The following PLAC8L1 variants were observed in gnomAD, a reference collection of about 807,000 sequenced individuals.
The protein encoded by PLAC8L1 is PLAC8 like 1, also known as PLAC8-like protein 1.
A neutral mutation model predicts 16.3 loss-of-function variants in PLAC8L1; 13 were observed. The observed-to-expected ratio is 0.80, with a 90% CI of 0.52 to 1.27. The LOEUF (loss-of-function observed/expected upper bound fraction) is 1.27, where lower values mean the gene tolerates loss of function less well. PLAC8L1 is among the 50% of genes most tolerant of loss of function. The pLI, the probability that PLAC8L1 is intolerant of heterozygous loss-of-function variation, is 0.00. For missense variants in PLAC8L1, 184 were observed against 220.2 expected, an observed-to-expected ratio of 0.84 and a Z score of 1.04; for synonymous variants, 78 against 79.3, an observed-to-expected ratio of 0.98 and a Z score of 0.09.
rs1451185579 is a variant in PLAC8L1 at position 146,085,454 on chromosome 5, C to A, written c.393+7G>T. The A allele has an allele frequency of 6.2e-7, 1 of 1,613,722 alleles. No individual in the cohort carries two copies. The highest frequency in any genetic ancestry group is 1.7e-5 in the Admixed American group (1 of 59,980). ...TCGGGTTCACGTATACCTTCAAACACACTTACCTGTATTTTATGTCTCTCC... is the reference window on the plus strand; with the variant it reads ...TCGGGTTCACGTATACCTTCAAACAAACTTACCTGTATTTTATGTCTCTCC... On this transcript the variant is annotated splice_region_variant and intron_variant, in intron 3 of 3. Transcript: ENST00000311450.
chr5:146,093,428 A>T (rs1251472478), intron 2 of PLAC8L1, among the ~76,000 whole-genome samples: 2 of 152,184 alleles, frequency 1.3e-5, no homozygotes, highest in African/African-American at 4.8e-5. Flanking sequence ...TCCTCCCTGG[A>T]AGTGCTCAGA....
At chr5:146,092,312 A>T (rs751263866) in intron 2 of PLAC8L1, among the ~76,000 whole-genome samples, 1 of 152,202 alleles carries the variant, frequency 6.6e-6, no homozygotes, top group Admixed American at 6.5e-5. Flanking sequence ...CCATTTGGCA[A>T]CATCTATCAA....
At position 146,103,854 on chromosome 5, in the gene PLAC8L1, A is replaced by G. The variant is rs890268305; in HGVS notation, c.119+339T>C. ...GCCTTGTACCTAGGCCTCCTTGATT[A>G]TTTCAAACTCAGCTGAAGCCAAAAC... On this transcript the variant is annotated intron_variant, in intron 1 of 3. Coordinates refer to ENST00000311450, the MANE Select transcript of PLAC8L1 (RefSeq NM_001029869.3). 1.5e-5 allele frequency: 15 copies of G among 985,276 alleles called. No individual in the cohort carries two copies. The African/African-American group carries it at 2.6e-4, about 17-fold the overall frequency. The allele number at this position is 985,276 out of a possible 1,614,324, so 61.0% of individuals were successfully genotyped here.
chr5:146,101,481 T>C (rs1763816152), intron 1 of PLAC8L1, among the ~76,000 whole-genome samples: 1 of 152,182 alleles, frequency 6.6e-6, no homozygotes, highest in African/African-American at 2.4e-5. Flanking sequence ...AAAACTACTT[T>C]TATGTCTTAT....
intron 1 of PLAC8L1, chr5:146,103,557 T>C (rs1763858268): frequency 1.4e-6 from 1 of 714,918 alleles, no homozygotes; most frequent in Non-Finnish European, 1.7e-6. Flanking sequence ...GAAGTTTTAG[T>C]GCTAAAACCA....
chr5:146,097,045 C>T lies in PLAC8L1; in HGVS notation c.256+1111G>A, dbSNP rs143440896. Among the ~76,000 whole-genome samples, 343 of 152,212 alleles carry T rather than the reference C, an allele frequency of 2.3e-3. 2 individuals are homozygous for T. Among genetic ancestry groups the T allele is most frequent in the African/African-American group, 7.6e-3 (317 of 41,536 alleles). ...GATATATCCTTCAAAAATATTTTACCCAGGGTCTGTTGGATTTGGAACTTA... is the reference window on the plus strand; with the variant it reads ...GATATATCCTTCAAAAATATTTTACTCAGGGTCTGTTGGATTTGGAACTTA... On this transcript the variant is annotated intron_variant, in intron 2 of 3. Transcript: ENST00000311450.
At position 146,094,051 on chromosome 5, in the gene PLAC8L1, T is replaced by C. The variant is rs1763668120; in HGVS notation, c.256+4105A>G. ...TTATCACAACTGCAATTATTTTGTTTATAGATTTTTGTTGTTGTTGTTGTT... is the reference window on the plus strand; with the variant it reads ...TTATCACAACTGCAATTATTTTGTTCATAGATTTTTGTTGTTGTTGTTGTT... On this transcript the variant is annotated intron_variant, in intron 2 of 3. Coordinates refer to ENST00000311450, the MANE Select transcript of PLAC8L1 (RefSeq NM_001029869.3). Among the ~76,000 whole-genome samples, 4 of 152,310 alleles carry C rather than the reference T, an allele frequency of 2.6e-5. No homozygotes were observed. In the South Asian group the frequency reaches 6.2e-4, roughly 24 times the overall value.
At chr5:146,104,033 C>A in intron 1 of PLAC8L1, 160 bp downstream of exon 1, 1 of 985,432 alleles carries the variant, frequency 1.0e-6, no homozygotes, top group Non-Finnish European at 1.2e-6. Context: ...CCAGAAGGAA[C>A]AAATCAGTTG....
At chr5:146,101,329 G>A (rs1033789709) in intron 1 of PLAC8L1, among the ~76,000 whole-genome samples, 20 of 152,162 alleles carry the variant, frequency 1.3e-4, no homozygotes, top group African/African-American at 4.8e-4. Context: ...GCCCAATTGG[G>A]CTGGCACTCT....
chr5:146,087,550 G>A (rs907762356), intron 2 of PLAC8L1, among the ~76,000 whole-genome samples: 9 of 152,120 alleles, frequency 5.9e-5, no homozygotes, highest in Non-Finnish European at 1.0e-4. Context: ...ACAGGGTGTC[G>A]CTCTGTCACT....
intron 1 of PLAC8L1, 70 bp from the exon 2 acceptor site, chr5:146,098,362 C>A: frequency 6.6e-7 from 1 of 1,517,460 alleles, no homozygotes; most frequent in South Asian, 1.3e-5. Flanking sequence ...TAAGCCAAGT[C>A]AGAACCATAA....
chr5:146,104,085 T>C (rs1173558877), intron 1 of PLAC8L1, 108 bp downstream of exon 1: 1 of 1,462,370 alleles, frequency 6.8e-7, no homozygotes, highest in African/African-American at 1.4e-5. Context: ...AGCAACCACT[T>C]TCTTCCCAAG....
At chr5:146,086,066 G>A (rs1300904326) in intron 2 of PLAC8L1, among the ~76,000 whole-genome samples, 1 of 111,738 alleles carries the variant, frequency 8.9e-6, no homozygotes, top group Non-Finnish European at 1.6e-5. Context: ...GTCTCGCTCT[G>A]TCGCCCAGGC....
intron 3 of PLAC8L1, 138 bp from the exon 4 acceptor site, chr5:146,084,710 G>A (rs1763479625): frequency 2.7e-6 from 3 of 1,114,532 alleles, no homozygotes; most frequent in African/African-American, 1.6e-5. Context: ...AATGCCCAGG[G>A]ACACTAAGTT....
chr5:146,094,578 G>C (rs1431624133), intron 2 of PLAC8L1, among the ~76,000 whole-genome samples: 1 of 152,090 alleles, frequency 6.6e-6, no homozygotes, highest in Non-Finnish European at 1.5e-5. Flanking sequence ...CCCAAAGCTG[G>C]ATTGCCCAGT....
intron 2 of PLAC8L1, among the ~76,000 whole-genome samples, chr5:146,094,293 G>C (rs561223994): frequency 1.3e-5 from 2 of 152,084 alleles, no homozygotes; most frequent in South Asian, 2.1e-4. Context: ...TGTTGGCTAT[G>C]GTTGGTCTCA....
Position 146,086,024 on chromosome 5 carries a change from C to CTTTTTTTT in PLAC8L1, c.257-435_257-428dup, listed in dbSNP as rs58130114. 7.3e-3 allele frequency among the ~76,000 whole-genome samples: 661 copies of CTTTTTTTT among 90,376 alleles called. 71 individuals are homozygous for CTTTTTTTT. Among genetic ancestry groups the CTTTTTTTT allele is most frequent in the African/African-American group, 0.022 (466 of 21,648 alleles). 59.3% of individuals were successfully genotyped at this position (90,376 alleles called of 152,430 possible). ...ATTTCTATAAGTGTAATTGAAAGGT[C>CTTTTTTTT]TTTTTTTTTTTTTTTTTTTTTTTGA... On this transcript the variant is annotated intron_variant, in intron 2 of 3. Transcript: ENST00000311450.
At chr5:146,093,726 C>T (rs1248680194) in intron 2 of PLAC8L1, among the ~76,000 whole-genome samples, 1 of 152,194 alleles carries the variant, frequency 6.6e-6, no homozygotes, top group Non-Finnish European at 1.5e-5. Flanking sequence ...ACCTGAGATG[C>T]AGTGTGGGGA....
intron 1 of PLAC8L1, among the ~76,000 whole-genome samples, chr5:146,102,046 T>C (rs1310800542): frequency 2.6e-5 from 4 of 151,256 alleles, no homozygotes; most frequent in African/African-American, 7.3e-5. Context: ...TACCCTTTTT[T>C]TTTTTTTTTT....
Sources: allele counts gnomAD v4.1 joint callset (sites outside exome capture counted in the v4.1 genomes callset), GRCh38; gene constraint gnomAD v4.1.1; transcripts MANE v1.5; gene names NCBI Gene and HGNC (gene_info 2026-07-23, HGNC 2026-07-21).